Variants in DRC9 observed in about 807,000 individuals in gnomAD.
DRC9 encodes the protein dynein regulatory complex subunit 9, also known as dynein regulatory complex protein 9.
At chr3:197,932,355 C>A in the DRC9 span, 1 of 1,516,502 alleles carries the variant, frequency 6.6e-7, no homozygotes, top group African/African-American at 1.4e-5. Context: ...CTATTTTCAG[C>A]CGGGCATGGT....
the DRC9 span, chr3:197,950,422 G>A: frequency 7.9e-6 from 7 of 889,374 alleles, no homozygotes; most frequent in South Asian, 3.7e-4. Flanking sequence ...CGGCTGCCCG[G>A]GTTATCCCAG....
chr3:197,897,741 G>A, the DRC9 span, among the ~76,000 whole-genome samples: 6 of 150,512 alleles, frequency 4.0e-5, no homozygotes, highest in African/African-American at 1.5e-4. Context: ...ATCCGAATAA[G>A]AGCTTGACAA....
chr3:197,912,929 T>C, the DRC9 span: 2 of 614,384 alleles, frequency 3.3e-6, no homozygotes, highest in Admixed American at 2.8e-5. Context: ...CGCGGCACTG[T>C]GTGGACTGCG....
chr3:197,913,329 C>CGTGCGTGCGTGT, the DRC9 span: 1,938 of 192,806 alleles, frequency 0.01, 38 homozygotes, highest in African/African-American at 0.049. Flanking sequence ...TGCGTGTGTG[C>CGTGCGTGCGTGT]GTGCGTGCGT....
the DRC9 span, among the ~76,000 whole-genome samples, chr3:197,921,043 A>C: frequency 0.016 from 2,223 of 139,154 alleles, 216 homozygotes; most frequent in African/African-American, 0.067. Context: ...CCGGGGATTT[A>C]ACCTGATTTC....
the DRC9 span, among the ~76,000 whole-genome samples, chr3:197,931,111 T>A: frequency 2.0e-5 from 3 of 150,826 alleles, no homozygotes; most frequent in Non-Finnish European, 4.4e-5. Context: ...AAGAATAGAA[T>A]AAAAACAATG....
chr3:197,915,468 C>T, the DRC9 span, among the ~76,000 whole-genome samples: 13 of 152,004 alleles, frequency 8.6e-5, no homozygotes, highest in Admixed American at 8.5e-4. Context: ...AGCTTTTAGT[C>T]AGGGAGGTAA....
At chr3:197,954,116 C>T in the DRC9 span, 17 of 1,614,162 alleles carry the variant, frequency 1.1e-5, no homozygotes, top group Non-Finnish European at 1.4e-5. Flanking sequence ...AGCAATCTTC[C>T]TGCTAAGGCC....
At chr3:197,943,770 G>T in the DRC9 span, 3 of 1,613,026 alleles carry the variant, frequency 1.9e-6, no homozygotes, top group South Asian at 1.1e-5. Context: ...TGGTGAGTGG[G>T]TCTATACCAC....
At chr3:197,950,095 G>A in the DRC9 span, 4 of 1,226,876 alleles carry the variant, frequency 3.3e-6, no homozygotes, top group African/African-American at 3.1e-5. Context: ...GCCGATTTCC[G>A]AGGATTGTTT....
At chr3:197,905,102 G>A in the DRC9 span, among the ~76,000 whole-genome samples, 2 of 152,274 alleles carry the variant, frequency 1.3e-5, no homozygotes, top group East Asian at 3.9e-4. Context: ...TGGGGGATGC[G>A]GAGGGTGTGG....
the DRC9 span, chr3:197,953,834 A>T: frequency 1.4e-6 from 1 of 694,342 alleles, no homozygotes; most frequent in South Asian, 1.7e-5. Context: ...CCTGGCATAC[A>T]ATAGTTACTC....
the DRC9 span, chr3:197,913,732 G>C: frequency 2.4e-6 from 2 of 844,332 alleles, no homozygotes; most frequent in East Asian, 4.8e-5. Flanking sequence ...TCCTCATTTA[G>C]GCTTTTATTT....
chr3:197,907,068 C>A, the DRC9 span, among the ~76,000 whole-genome samples: 12 of 152,208 alleles, frequency 7.9e-5, no homozygotes, highest in Admixed American at 7.8e-4. Flanking sequence ...CCCAATTATC[C>A]GGAGGCACTT....
the DRC9 span, among the ~76,000 whole-genome samples, chr3:197,939,840 C>T: frequency 5.3e-5 from 8 of 151,790 alleles, no homozygotes; most frequent in Admixed American, 5.3e-4. Flanking sequence ...GCCCCATTTT[C>T]TGAGTTCCCT....
chr3:197,892,608 C>T, the DRC9 span: 239 of 1,613,028 alleles, frequency 1.5e-4, no homozygotes, highest in African/African-American at 5.3e-4. Flanking sequence ...CCTCAGTGAG[C>T]GCCCTAATTC....
At chr3:197,890,388 A>G in the DRC9 span, among the ~76,000 whole-genome samples, 3 of 151,424 alleles carry the variant, frequency 2.0e-5, no homozygotes, top group African/African-American at 4.9e-5. Flanking sequence ...CTGAGTGACA[A>G]AGTGAGATGC....
At chr3:197,909,679 C>T in the DRC9 span, among the ~76,000 whole-genome samples, 4 of 152,154 alleles carry the variant, frequency 2.6e-5, no homozygotes, top group Admixed American at 6.5e-5. Context: ...CTATATATAG[C>T]ATGATCCAAT....
chr3:197,908,691 C>T, the DRC9 span, among the ~76,000 whole-genome samples: 1 of 147,220 alleles, frequency 6.8e-6, no homozygotes, highest in African/African-American at 2.5e-5. Context: ...ATGAAGTTAT[C>T]ACAGGGGTGG....
Sources: allele counts gnomAD v4.1 joint callset (sites outside exome capture counted in the v4.1 genomes callset), GRCh38; gene constraint gnomAD v4.1.1; transcripts MANE v1.5; gene names NCBI Gene and HGNC (gene_info 2026-07-23, HGNC 2026-07-21).